The following ZNF277 variants were observed in gnomAD, a reference collection of about 807,000 sequenced individuals.
ZNF277 encodes nuclear receptor-interacting factor 4.
Under a neutral mutation model 60.7 loss-of-function variants are expected in ZNF277, and 55 were observed. The ratio of observed to expected loss-of-function variants is 0.91; its 90% confidence interval spans 0.73 to 1.13. ZNF277 has a LOEUF of 1.13. Ranked by LOEUF, ZNF277 falls within the 50% of genes most tolerant of loss-of-function variation. The probability of loss-of-function intolerance (pLI) is 0.00; values close to 1 mark genes in which losing one functional copy is unlikely to be tolerated. For synonymous variants in ZNF277, 178 were observed against 179.3 expected, an observed-to-expected ratio of 0.99 and a Z score of 0.06; for missense variants, 510 against 523.0, an observed-to-expected ratio of 0.98 and a Z score of 0.24.
At chr7:112,276,328 C>A (rs1158742007) in intron 1 of ZNF277, among the ~76,000 whole-genome samples, 2 of 152,106 alleles carry the variant, frequency 1.3e-5, no homozygotes, top group East Asian at 3.9e-4. Flanking sequence ...TCTTATTCAA[C>A]CCCTGCGTGT....
chr7:112,274,860 C>A lies in ZNF277; in HGVS notation c.92-12013C>A, dbSNP rs527760110. On this transcript the variant is annotated intron_variant, in intron 1 of 11. Transcript: ENST00000361822. ...CTTATTTAGAAAGTATAACACAGGC[C>A]AATAACCAATCAAATCTATCTGTGT... Among the ~76,000 whole-genome samples the A allele has an allele frequency of 1.6e-4, 25 of 152,280 alleles. 1 individual carries two copies. The South Asian group carries it at 5.0e-3, about 30-fold the overall frequency.
intron 9 of ZNF277, among the ~76,000 whole-genome samples, chr7:112,339,205 A>G (rs1022893773): frequency 4.6e-5 from 7 of 152,244 alleles, no homozygotes; most frequent in Non-Finnish European, 1.0e-4. Flanking sequence ...TATCTTACCT[A>G]CACTTTTATC....
chr7:112,337,368 T>C (rs1250302971), intron 8 of ZNF277, among the ~76,000 whole-genome samples: 1 of 152,156 alleles, frequency 6.6e-6, no homozygotes, highest in Non-Finnish European at 1.5e-5. Context: ...GTGCACTCAG[T>C]GGTTGTGGTT....
chr7:112,296,912 AT>A (rs1170078999), intron 4 of ZNF277, among the ~76,000 whole-genome samples: 3,707 of 39,442 alleles, frequency 0.094, 260 homozygotes, highest in African/African-American at 0.16. Context: ...TTATTTATTT[AT>A]TTTTTTTTTT....
At chr7:112,313,733 T>G (rs1443914885) in intron 4 of ZNF277, among the ~76,000 whole-genome samples, 3 of 152,142 alleles carry the variant, frequency 2.0e-5, no homozygotes, top group African/African-American at 7.2e-5. Context: ...ATTATCAACT[T>G]ACTGTCACTG....
At chr7:112,304,853 G>C (rs1468203918) in intron 4 of ZNF277, among the ~76,000 whole-genome samples, 1 of 152,064 alleles carries the variant, frequency 6.6e-6, no homozygotes, top group Admixed American at 6.6e-5. Flanking sequence ...CATGTAACTA[G>C]TAATTAAAAT....
chr7:112,330,978 C>T (rs1256125323), intron 7 of ZNF277, among the ~76,000 whole-genome samples: 1 of 152,194 alleles, frequency 6.6e-6, no homozygotes, highest in African/African-American at 2.4e-5. Flanking sequence ...AATCTCTTTG[C>T]TCTTTCCCCT....
chr7:112,229,612 T>C (rs1822269581), intron 1 of ZNF277, among the ~76,000 whole-genome samples: 1 of 152,130 alleles, frequency 6.6e-6, no homozygotes, highest in South Asian at 2.1e-4. Context: ...TAGAAAAAAA[T>C]GACACCTTTG....
chr7:112,309,773 G>T (rs942823339), intron 4 of ZNF277, among the ~76,000 whole-genome samples: 2 of 151,860 alleles, frequency 1.3e-5, no homozygotes, highest in East Asian at 3.9e-4. Flanking sequence ...TCACCATCTG[G>T]CTACAAATTC....
intron 5 of ZNF277, among the ~76,000 whole-genome samples, chr7:112,320,510 T>C (rs976110878): frequency 6.6e-6 from 1 of 152,092 alleles, no homozygotes; most frequent in African/African-American, 2.4e-5. Flanking sequence ...GACATAAATA[T>C]GGAATATTTG....
intron 1 of ZNF277, among the ~76,000 whole-genome samples, chr7:112,232,931 C>G (rs1221846774): frequency 6.6e-6 from 1 of 152,136 alleles, no homozygotes; most frequent in Non-Finnish European, 1.5e-5. Context: ...CATATATTCT[C>G]TCTGCCTAAA....
chr7:112,285,431 GA>G (rs1398023222), intron 1 of ZNF277, among the ~76,000 whole-genome samples: 7 of 133,870 alleles, frequency 5.2e-5, no homozygotes, highest in South Asian at 2.4e-4. Flanking sequence ...AAAAAAATAG[GA>G]AATTTTTTTT....
chr7:112,303,902 G>C (rs1175658495), intron 4 of ZNF277, among the ~76,000 whole-genome samples: 2 of 152,044 alleles, frequency 1.3e-5, no homozygotes, highest in Admixed American at 6.6e-5. Context: ...TGTATAGCAA[G>C]CAGATGGCTG....
chr7:112,256,775 G>A (rs1791320984), intron 1 of ZNF277, among the ~76,000 whole-genome samples: 1 of 152,094 alleles, frequency 6.6e-6, no homozygotes, highest in African/African-American at 2.4e-5. Context: ...TGGGGAATGG[G>A]ATAGAATGTT....
chr7:112,326,086 G>A (rs1793087611), intron 5 of ZNF277, among the ~76,000 whole-genome samples: 1 of 152,132 alleles, frequency 6.6e-6, no homozygotes, highest in South Asian at 2.1e-4. Context: ...GCTCCCCTGA[G>A]TACATTCAGT....
chr7:112,330,052 C>T lies in ZNF277; in HGVS notation c.669-32C>T, dbSNP rs370864521. 52 of 1,590,762 alleles carry T rather than the reference C, an allele frequency of 3.3e-5. No homozygotes were observed. In the African/African-American group the frequency reaches 6.6e-4, roughly 20 times the overall value. On this transcript the variant is annotated intron_variant, in intron 6 of 11. Transcript: ENST00000361822. ...ATTATTGCAGCAACTATACAAGAGA[C>T]TTGTTTATCAGTGTTTGTGTATTTC... is the stretch of plus-strand genomic sequence containing the variant.
chr7:112,257,532 G>C (rs62473129), intron 1 of ZNF277, among the ~76,000 whole-genome samples: 1 of 152,246 alleles, frequency 6.6e-6, no homozygotes, highest in Admixed American at 6.5e-5. Flanking sequence ...AATAAGATTA[G>C]ATAATGTCTA....
chr7:112,246,308 C>A lies in ZNF277; in HGVS notation c.91+39501C>A, dbSNP rs187680490. Among the ~76,000 whole-genome samples the A allele has an allele frequency of 1.0e-3, 156 of 152,218 alleles. 2 individuals are homozygous for A. The highest frequency in any genetic ancestry group is 3.5e-3 in the African/African-American group (147 of 41,550). On this transcript the variant is annotated intron_variant, in intron 1 of 11. Transcript: ENST00000361822. ...AAATAGAAAGCTGAGGTGGGACAATCATTTGAGCCTAGGAGGTCGAGGCTG... is the reference window on the plus strand; with the variant it reads ...AAATAGAAAGCTGAGGTGGGACAATAATTTGAGCCTAGGAGGTCGAGGCTG...
At chr7:112,255,338 A>T (rs1791284879) in intron 1 of ZNF277, among the ~76,000 whole-genome samples, 1 of 152,212 alleles carries the variant, frequency 6.6e-6, no homozygotes, top group South Asian at 2.1e-4. Flanking sequence ...AAGTTTTAAG[A>T]GGCAGGTAGG....
Sources: gnomAD v4.1 joint callset for allele counts (sites outside exome capture counted in the v4.1 genomes callset) on GRCh38, gnomAD v4.1.1 for gene constraint, MANE v1.5 for transcripts, NCBI Gene and HGNC (gene_info 2026-07-23, HGNC 2026-07-21) for gene names.